Variants in HPSE2 observed in about 807,000 individuals in gnomAD.
HPSE2 encodes the protein inactive heparanase-2.
A neutral mutation model predicts 60.5 loss-of-function variants in HPSE2; 38 were observed. That is an observed-to-expected ratio of 0.63 (90% CI 0.48 to 0.82). The LOEUF (loss-of-function observed/expected upper bound fraction) is 0.82. HPSE2 is among the 40% of genes least tolerant of loss of function. The pLI is 0.00. For synonymous variants in HPSE2, 295 were observed against 293.2 expected (o/e 1.01, Z -0.06); for missense variants, 713 against 740.4 (o/e 0.96, Z 0.43).
At chr10:98,772,335 A>G (rs946687888) in intron 3 of HPSE2, among the ~76,000 whole-genome samples, 1 of 152,092 alleles carries the variant, frequency 6.6e-6, no homozygotes, top group African/African-American at 2.4e-5. Context: ...ATGACTGGGA[A>G]ACTGAGGATG....
chr10:99,009,252 A>G (rs1413143095), intron 3 of HPSE2, among the ~76,000 whole-genome samples: 14 of 150,936 alleles, frequency 9.3e-5, no homozygotes, highest in African/African-American at 2.9e-4. Context: ...AAAAAAAAAA[A>G]AAAAAAAAAA....
At chr10:99,269,157 CAA>C in the HPSE2 span, among the ~76,000 whole-genome samples, 31 of 134,016 alleles carry the variant, frequency 2.3e-4, no homozygotes, top group Admixed American at 2.3e-4. Flanking sequence ...GAGACTTCGT[CAA>C]AAAAAAAAAA....
At chr10:98,658,633 T>C (rs534527472) in intron 6 of HPSE2, among the ~76,000 whole-genome samples, 1 of 152,182 alleles carries the variant, frequency 6.6e-6, no homozygotes, top group Admixed American at 6.5e-5. Context: ...GAGTATTTTA[T>C]GCTTTCTTCC....
chr10:99,305,408 A>C, the HPSE2 span, among the ~76,000 whole-genome samples: 3 of 152,228 alleles, frequency 2.0e-5, no homozygotes, highest in Non-Finnish European at 4.4e-5. Flanking sequence ...TCTGACCAAA[A>C]TTGCAAACCA....
chr10:98,998,578 T>C (rs116992775), intron 3 of HPSE2, among the ~76,000 whole-genome samples: 230 of 152,334 alleles, frequency 1.5e-3, no homozygotes, highest in Non-Finnish European at 2.3e-3. Flanking sequence ...AGTTCCAAAC[T>C]TTTCTGGATG....
chr10:98,603,919 G>A (rs1416272664), intron 9 of HPSE2, among the ~76,000 whole-genome samples: 1 of 152,114 alleles, frequency 6.6e-6, no homozygotes, highest in African/African-American at 2.4e-5. Context: ...TCCACCAAAA[G>A]AGGGAAGAAA....
chr10:99,308,458 G>A, the HPSE2 span, among the ~76,000 whole-genome samples: 1 of 148,852 alleles, frequency 6.7e-6, no homozygotes, highest in Admixed American at 6.8e-5. Flanking sequence ...TCCATACAAT[G>A]GAATATTATT....
At chr10:98,745,057 C>T (rs1448691339) in intron 3 of HPSE2, among the ~76,000 whole-genome samples, 1 of 152,088 alleles carries the variant, frequency 6.6e-6, no homozygotes, top group Non-Finnish European at 1.5e-5. Flanking sequence ...AAAAAATTAG[C>T]CAGGCGCGGT....
At chr10:98,922,270 G>A (rs568501912) in intron 3 of HPSE2, among the ~76,000 whole-genome samples, 1 of 152,158 alleles carries the variant, frequency 6.6e-6, no homozygotes, top group Non-Finnish European at 1.5e-5. Context: ...TCCATGTGGA[G>A]AGTGGTTACC....
intron 5 of HPSE2, among the ~76,000 whole-genome samples, chr10:98,720,762 C>G (rs1364668207): frequency 6.6e-6 from 1 of 152,048 alleles, no homozygotes; most frequent in East Asian, 1.9e-4. Flanking sequence ...CTTTGGTGCA[C>G]TAATGCAATG....
At chr10:99,233,395 C>A (rs1849733544) in intron 1 of HPSE2, among the ~76,000 whole-genome samples, 1 of 152,292 alleles carries the variant, frequency 6.6e-6, no homozygotes. Context: ...AAATGTGGAA[C>A]CTGCGCGTTA....
chr10:99,215,634 T>C (rs1365081155), intron 2 of HPSE2, among the ~76,000 whole-genome samples: 2 of 152,120 alleles, frequency 1.3e-5, no homozygotes, highest in Non-Finnish European at 2.9e-5. Context: ...AAATAAAATT[T>C]TAAAAAGCGT....
intron 3 of HPSE2, among the ~76,000 whole-genome samples, chr10:99,058,229 G>A (rs1183430405): frequency 2.0e-5 from 3 of 152,188 alleles, no homozygotes; most frequent in Non-Finnish European, 2.9e-5. Context: ...CTTTCCCCAG[G>A]TGATCTGATT....
chr10:99,151,093 A>G (rs1046179039), intron 2 of HPSE2, among the ~76,000 whole-genome samples: 6 of 152,156 alleles, frequency 3.9e-5, no homozygotes, highest in Non-Finnish European at 4.4e-5. Flanking sequence ...TAACTTACCT[A>G]AAAACAAAGA....
Position 98,620,640 on chromosome 10 carries a change from G to T in HPSE2, c.1167C>A (p.Gly389=). The T allele has an allele frequency of 2.5e-6, 4 of 1,614,068 alleles. No individual in the cohort carries two copies. Among genetic ancestry groups the T allele is most frequent in the Non-Finnish European group, 3.4e-6 (4 of 1,179,968 alleles). The change falls in exon 8 of 12, where the codon GGC becomes GGA. Residue 389 remains glycine (G), a synonymous_variant. Transcript: ENST00000370552. The stretch of plus-strand genomic sequence containing the variant: ...CATAGGAATCGGATAGATTGTTTGT[G>T]CCTCCAGCTGAGGTGGTCACCACAC... ...LEGVVTTSAG[G]TNNLSDSYAA...
chr10:99,069,571 T>C (rs1842722160), intron 3 of HPSE2, among the ~76,000 whole-genome samples: 1 of 151,150 alleles, frequency 6.6e-6, no homozygotes, highest in African/African-American at 2.4e-5. Flanking sequence ...CCCTCTCTCC[T>C]TCCCTCTTAT....
At chr10:98,855,463 T>C (rs569838903) in intron 3 of HPSE2, among the ~76,000 whole-genome samples, 1 of 152,240 alleles carries the variant, frequency 6.6e-6, no homozygotes, top group Admixed American at 6.5e-5. Flanking sequence ...GCTCAGATCC[T>C]TTTGTCCTCT....
intron 8 of HPSE2, 119 bp from the exon 9 acceptor site, chr10:98,615,137 A>C: frequency 1.4e-6 from 1 of 725,936 alleles, no homozygotes; most frequent in South Asian, 1.5e-5. Flanking sequence ...AAATTTACCT[A>C]GTACTTTAAA....
chr10:98,536,613 G>A (rs1360399477), intron 9 of HPSE2, among the ~76,000 whole-genome samples: 1 of 152,170 alleles, frequency 6.6e-6, no homozygotes, highest in Non-Finnish European at 1.5e-5. Flanking sequence ...GGTAAGGCAG[G>A]AGAAGATTCA....
Sources: gnomAD v4.1 joint callset for allele counts (sites outside exome capture counted in the v4.1 genomes callset) on GRCh38, gnomAD v4.1.1 for gene constraint, MANE v1.5 for transcripts, NCBI Gene and HGNC (gene_info 2026-07-23, HGNC 2026-07-21) for gene names.